BCAS4: variants seen among roughly 807,000 people sequenced by gnomAD.
The protein encoded by BCAS4 is breast carcinoma amplified sequence 4, also known as breast carcinoma-amplified sequence 4.
In BCAS4, 9 loss-of-function variants were observed where a neutral mutation model predicts 15.7. That is an observed-to-expected ratio of 0.57 (90% CI 0.34 to 1.00). The LOEUF (loss-of-function observed/expected upper bound fraction) is 1.00, where lower values mean the gene tolerates loss of function less well. Ranked by LOEUF, BCAS4 falls within the 50% of genes least tolerant of loss-of-function variation. The probability of loss-of-function intolerance (pLI) is 0.02; values close to 1 mark genes in which losing one functional copy is unlikely to be tolerated. For synonymous variants in BCAS4, 101 were observed against 99.5 expected (o/e 1.02, Z -0.09); for missense variants, 225 against 239.1 (o/e 0.94, Z 0.39).
At chr20:50,856,761 C>T (rs1478325386) in intron 4 of BCAS4, among the ~76,000 whole-genome samples, 1 of 152,188 alleles carries the variant, frequency 6.6e-6, no homozygotes, top group African/African-American at 2.4e-5. Context: ...CATCTTTGTG[C>T]CTGACATGTG....
At chr20:50,882,568 G>T in the BCAS4 span, 2 of 152,196 alleles carry the variant, frequency 1.3e-5, no homozygotes, top group Non-Finnish European at 2.9e-5. Context: ...GGGGTGAGAG[G>T]TATCCTTTTC....
intron 2 of BCAS4, among the ~76,000 whole-genome samples, chr20:50,827,515 T>G (rs1237332194): frequency 6.6e-6 from 1 of 152,214 alleles, no homozygotes; most frequent in Admixed American, 6.5e-5. Flanking sequence ...TACTTTGTAC[T>G]TGGAGCTTTG....
At chr20:50,871,567 G>T (rs917368778) in intron 4 of BCAS4, among the ~76,000 whole-genome samples, 7 of 152,222 alleles carry the variant, frequency 4.6e-5, no homozygotes, top group Admixed American at 3.9e-4. Flanking sequence ...CTTAAAGAAA[G>T]AAGAGAATTT....
intron 2 of BCAS4, among the ~76,000 whole-genome samples, chr20:50,826,424 A>T (rs1478253595): frequency 6.6e-6 from 1 of 152,208 alleles, no homozygotes; most frequent in African/African-American, 2.4e-5. Flanking sequence ...AAAGCTGCTG[A>T]CTTAAGAGAA....
chr20:50,831,540 T>C (rs568931063), intron 3 of BCAS4, among the ~76,000 whole-genome samples: 2 of 152,316 alleles, frequency 1.3e-5, no homozygotes, highest in East Asian at 3.9e-4. Flanking sequence ...CATCTTTTAC[T>C]TGCCTGGCTA....
intron 4 of BCAS4, among the ~76,000 whole-genome samples, chr20:50,862,266 C>T (rs1038760207): frequency 6.6e-6 from 1 of 152,032 alleles, no homozygotes; most frequent in Non-Finnish European, 1.5e-5. Context: ...CTCTCTTTTA[C>T]GTTTTTCTCA....
intron 4 of BCAS4, among the ~76,000 whole-genome samples, chr20:50,863,756 G>A (rs1979213993): frequency 6.6e-6 from 1 of 152,232 alleles, no homozygotes; most frequent in African/African-American, 2.4e-5. Flanking sequence ...GACACTGACT[G>A]CAGGCGTCTG....
chr20:50,839,198 GAGATGGCACTGTAGTCC>G (rs1426673611), intron 3 of BCAS4, among the ~76,000 whole-genome samples: 1 of 152,224 alleles, frequency 6.6e-6, no homozygotes, highest in East Asian at 1.9e-4. Flanking sequence ...TGCCTTGTCT[GAGATGGCACTGTAGTCC>G]CCACCTCTGC....
chr20:50,818,350 T>C, intron 2 of BCAS4, 68 bp downstream of exon 2: 1 of 1,281,718 alleles, frequency 7.8e-7, no homozygotes, highest in Non-Finnish European at 1.1e-6. Flanking sequence ...TGGAGTTTTC[T>C]GCGGAAGCCA....
Position 50,818,415 on chromosome 20 carries a change from G to A in BCAS4, c.162+133G>A, listed in dbSNP as rs889266682. On this transcript the variant is annotated intron_variant, in intron 2 of 4. Transcript: ENST00000371608. ...ATGGGGCAGCGGCCAGCGCTGAGAG[G>A]AAAGCCACGTGCAAACACTCCCTCC... The A allele has an allele frequency of 1.6e-5, 13 of 792,818 alleles. No homozygotes were observed. The Admixed American group carries it at 3.1e-4, about 19-fold the overall frequency. The allele number at this position is 792,818 out of a possible 1,614,324, so 49.1% of individuals were successfully genotyped here.
intron 1 of BCAS4, among the ~76,000 whole-genome samples, chr20:50,812,050 A>G (rs2088070879): frequency 6.6e-6 from 1 of 152,212 alleles, no homozygotes; most frequent in South Asian, 2.1e-4. Flanking sequence ...CTTTTTATGG[A>G]CAAATGATAC....
intron 2 of BCAS4, 56 bp from the exon 3 acceptor site, chr20:50,830,223 G>A (rs1048349468): frequency 1.5e-5 from 22 of 1,461,992 alleles, no homozygotes; most frequent in Non-Finnish European, 2.0e-5. Flanking sequence ...TCTGAGGCAG[G>A]CAGGAGGACA....
chr20:50,858,353 G>A (rs1420089232), intron 4 of BCAS4, among the ~76,000 whole-genome samples: 1 of 152,180 alleles, frequency 6.6e-6, no homozygotes, highest in Non-Finnish European at 1.5e-5. Context: ...TGTAATCCCA[G>A]CACTTTGGGA....
chr20:50,834,211 T>A (rs559306798), intron 3 of BCAS4, among the ~76,000 whole-genome samples: 1 of 152,030 alleles, frequency 6.6e-6, no homozygotes, highest in South Asian at 2.1e-4. Flanking sequence ...TTGATTATTC[T>A]TTTTTTGATT....
chr20:50,848,549 A>G (rs1008327024), intron 4 of BCAS4, among the ~76,000 whole-genome samples: 12 of 152,200 alleles, frequency 7.9e-5, no homozygotes, highest in African/African-American at 2.9e-4. Flanking sequence ...CAGGGTCTCA[A>G]GGCCACACAG....
At chr20:50,828,124 A>G (rs1453383664) in intron 2 of BCAS4, among the ~76,000 whole-genome samples, 29 of 151,626 alleles carry the variant, frequency 1.9e-4, no homozygotes, top group Admixed American at 1.9e-3. Flanking sequence ...AGAACAGTGG[A>G]GCAGGGGCTT....
chr20:50,817,276 T>C (rs556489389), intron 1 of BCAS4, among the ~76,000 whole-genome samples: 71 of 152,300 alleles, frequency 4.7e-4, no homozygotes, highest in African/African-American at 1.6e-3. Flanking sequence ...CAAGTTTCCC[T>C]TGTCAGAGTC....
intron 4 of BCAS4, among the ~76,000 whole-genome samples, chr20:50,865,406 C>T (rs1029314879): frequency 1.3e-5 from 2 of 152,140 alleles, no homozygotes; most frequent in African/African-American, 4.8e-5. Flanking sequence ...ACCGACTCCC[C>T]CCACCTGCTG....
chr20:50,797,128 A>C (rs2087875553), intron 1 of BCAS4, among the ~76,000 whole-genome samples: 1 of 152,098 alleles, frequency 6.6e-6, no homozygotes. Flanking sequence ...ATGTACCACC[A>C]TGCCTGGCCC....
Sources: allele counts gnomAD v4.1 joint callset (sites outside exome capture counted in the v4.1 genomes callset), GRCh38; gene constraint gnomAD v4.1.1; transcripts MANE v1.5; gene names NCBI Gene and HGNC (gene_info 2026-07-23, HGNC 2026-07-21).